Variants in PCMTD1 observed in about 807,000 individuals in gnomAD.
The protein encoded by PCMTD1 is protein-L-isoaspartate O-methyltransferase domain-containing protein 1.
Under a neutral mutation model 37.6 loss-of-function variants are expected in PCMTD1, and 12 were observed. That is an observed-to-expected ratio of 0.32 (90% CI 0.20 to 0.52). The LOEUF (loss-of-function observed/expected upper bound fraction) is 0.52. Ranked by LOEUF, PCMTD1 falls within the 20% of genes least tolerant of loss-of-function variation. The probability of loss-of-function intolerance (pLI) is 0.97; values close to 1 mark genes in which losing one functional copy is unlikely to be tolerated. For missense variants in PCMTD1, 235 were observed against 421.3 expected, an observed-to-expected ratio of 0.56 and a Z score of 3.87; for synonymous variants, 117 against 135.8, an observed-to-expected ratio of 0.86 and a Z score of 0.96.
intron 1 of PCMTD1, among the ~76,000 whole-genome samples, chr8:51,864,207 C>T (rs900594760): frequency 3.3e-5 from 5 of 152,058 alleles, no homozygotes; most frequent in African/African-American, 1.2e-4. Context: ...TTTAAGAGAA[C>T]AGAACAATTT....
At chr8:51,892,821 T>C (rs882492) in intron 1 of PCMTD1, among the ~76,000 whole-genome samples, 104,511 of 152,140 alleles carry the variant, frequency 0.69, 42,376 homozygotes, top group Non-Finnish European at 0.9. Flanking sequence ...GGAAAGAAAA[T>C]TTATTTATAT....
chr8:51,852,519 T>C (rs1239365866), intron 2 of PCMTD1, among the ~76,000 whole-genome samples: 1 of 152,202 alleles, frequency 6.6e-6, no homozygotes, highest in Non-Finnish European at 1.5e-5. Context: ...TCAACAAACA[T>C]TTTCCTTTTA....
At position 51,843,046 on chromosome 8, in the gene PCMTD1, A is replaced by G. The variant is rs565132465; in HGVS notation, c.410+2615T>C. Among the ~76,000 whole-genome samples, 133 of 152,304 alleles carry G rather than the reference A, an allele frequency of 8.7e-4. 1 individual carries two copies. The highest frequency in any genetic ancestry group is 1.5e-3 in the Non-Finnish European group (101 of 68,002). ...CCACTTTGCATAGCAAGTTTGTAAA[A>G]TATTTTAAACTTGAAAATAAGTTTA... is the stretch of plus-strand genomic sequence containing the variant. On this transcript the variant is annotated intron_variant, in intron 3 of 5. Coordinates refer to ENST00000522514, the MANE Select transcript of PCMTD1 (RefSeq NM_052937.4).
At chr8:51,821,895 C>T (rs1344764065) in intron 5 of PCMTD1, among the ~76,000 whole-genome samples, 1 of 152,080 alleles carries the variant, frequency 6.6e-6, no homozygotes, top group African/African-American at 2.4e-5. Context: ...GCCACCACAC[C>T]AGTGTAATTT....
At chr8:51,850,186 G>A in intron 2 of PCMTD1, 1 of 668,902 alleles carries the variant, frequency 1.5e-6, no homozygotes, top group Non-Finnish European at 2.7e-6. Context: ...GTCACTGTAA[G>A]ACCGGTTCCC....
intron 1 of PCMTD1, among the ~76,000 whole-genome samples, chr8:51,879,410 G>C (rs1274932124): frequency 6.6e-6 from 1 of 152,036 alleles, no homozygotes; most frequent in Non-Finnish European, 1.5e-5. Context: ...TAAAGAAAAT[G>C]GTAAATTAAA....
chr8:51,891,692 ATATG>A lies in PCMTD1; in HGVS notation c.-96+7234_-96+7237del, dbSNP rs1262104777. On this transcript the variant is annotated intron_variant, in intron 1 of 5. Transcript: ENST00000522514. Reference sequence around the variant, plus strand: ...AAACAAAAAATATATATATACATATATATGTATATATATATATATAGCTTCAGAA... The same window carrying A: ...AAACAAAAAATATATATATACATATATATATATATATATATAGCTTCAGAA... Among the ~76,000 whole-genome samples, 36 of 79,734 alleles carry A rather than the reference ATATG, an allele frequency of 4.5e-4. 1 individual carries two copies. In the Admixed American group the frequency reaches 6.3e-3, roughly 14 times the overall value. The allele number at this position is 79,734 out of a possible 152,430, so 52.3% of individuals were successfully genotyped here. A position where few individuals can be genotyped will look rare whatever the true frequency, so the allele number is the denominator to read the frequency against.
intron 2 of PCMTD1, among the ~76,000 whole-genome samples, chr8:51,857,710 T>C (rs1309066136): frequency 6.6e-6 from 1 of 152,176 alleles, no homozygotes; most frequent in African/African-American, 2.4e-5. Flanking sequence ...TATCTTCAAT[T>C]TGAAATTGAA....
At chr8:51,874,925 C>A (rs2038690942) in intron 1 of PCMTD1, among the ~76,000 whole-genome samples, 2 of 152,174 alleles carry the variant, frequency 1.3e-5, no homozygotes, top group South Asian at 4.1e-4. Flanking sequence ...GAGGTAAGAA[C>A]TGCAGAACAG....
intron 1 of PCMTD1, among the ~76,000 whole-genome samples, chr8:51,890,906 G>A (rs72639755): frequency 4.6e-4 from 70 of 152,264 alleles, no homozygotes; most frequent in Non-Finnish European, 8.7e-4. Context: ...AGGATTACAT[G>A]GCAGAAGGAC....
intron 5 of PCMTD1, among the ~76,000 whole-genome samples, chr8:51,821,288 G>A (rs2037844773): frequency 6.6e-6 from 1 of 151,636 alleles, no homozygotes; most frequent in African/African-American, 2.4e-5. Context: ...ATAAGCACAC[G>A]CCAGCACACC....
At chr8:51,873,420 A>T (rs533230447) in intron 1 of PCMTD1, among the ~76,000 whole-genome samples, 5 of 152,348 alleles carry the variant, frequency 3.3e-5, no homozygotes, top group Admixed American at 1.3e-4. Flanking sequence ...ACTGGAGCAA[A>T]TTATTCTATC....
intron 1 of PCMTD1, among the ~76,000 whole-genome samples, chr8:51,883,723 T>G (rs2038825127): frequency 6.6e-6 from 1 of 152,196 alleles, no homozygotes; most frequent in South Asian, 2.1e-4. Context: ...AGCTTTTTTT[T>G]GGCATCTGAA....
chr8:51,884,652 C>T (rs1175098878), intron 1 of PCMTD1, among the ~76,000 whole-genome samples: 1 of 152,196 alleles, frequency 6.6e-6, no homozygotes, highest in Non-Finnish European at 1.5e-5. Flanking sequence ...TGGTGCAATG[C>T]TTGGCAGGCT....
intron 1 of PCMTD1, among the ~76,000 whole-genome samples, chr8:51,886,961 C>CTT (rs11444689): frequency 8.9e-4 from 132 of 147,524 alleles, no homozygotes; most frequent in African/African-American, 1.8e-3. Context: ...TGTCCATCTG[C>CTT]TTTTTTTTTT....
At chr8:51,856,888 A>C (rs1052666036) in intron 2 of PCMTD1, among the ~76,000 whole-genome samples, 1 of 152,230 alleles carries the variant, frequency 6.6e-6, no homozygotes, top group Non-Finnish European at 1.5e-5. Flanking sequence ...CATGGGGAAT[A>C]ATCTTTTTAG....
chr8:51,831,411 T>C (rs2037996540), intron 5 of PCMTD1, 33 bp downstream of exon 5: 1 of 1,604,218 alleles, frequency 6.2e-7, no homozygotes, highest in Non-Finnish European at 8.5e-7. Context: ...CCATAAGTCA[T>C]AATTCAATCA....
intron 2 of PCMTD1, among the ~76,000 whole-genome samples, chr8:51,856,709 G>A (rs1022664879): frequency 2.6e-5 from 4 of 152,284 alleles, no homozygotes; most frequent in African/African-American, 9.6e-5. Context: ...CTACAGCATG[G>A]ATGAACCCTG....
intron 1 of PCMTD1, among the ~76,000 whole-genome samples, chr8:51,875,567 T>C (rs1211562579): frequency 1.3e-5 from 2 of 152,226 alleles, no homozygotes; most frequent in African/African-American, 2.4e-5. Context: ...TATCAAGTTG[T>C]ATGTTCATTA....
Sources: allele counts gnomAD v4.1 joint callset (sites outside exome capture counted in the v4.1 genomes callset), GRCh38; gene constraint gnomAD v4.1.1; transcripts MANE v1.5; gene names NCBI Gene and HGNC (gene_info 2026-07-23, HGNC 2026-07-21).